Variants in LZTFL1 observed in about 807,000 individuals in gnomAD.
The protein encoded by LZTFL1 is leucine zipper transcription factor-like protein 1.
A neutral mutation model predicts 45.9 loss-of-function variants in LZTFL1; 25 were observed. The ratio of observed to expected loss-of-function variants is 0.54; its 90% CI spans 0.40 to 0.76. The LOEUF is 0.76. Ranked by LOEUF, LZTFL1 falls within the 30% of genes least tolerant of loss-of-function variation. The pLI, the probability that LZTFL1 is intolerant of heterozygous loss-of-function variation, is 0.00. For missense variants in LZTFL1, 277 were observed against 331.1 expected, an observed-to-expected ratio of 0.84 and a Z score of 1.27; for synonymous variants, 93 against 117.4, an observed-to-expected ratio of 0.79 and a Z score of 1.35.
chr3:45,868,407 G>A (rs1399646148), intron 2 of LZTFL1, among the ~76,000 whole-genome samples: 4 of 152,096 alleles, frequency 2.6e-5, no homozygotes, highest in African/African-American at 9.7e-5. Context: ...CAGTTTTAGA[G>A]TGGATTTTTA....
chr3:45,894,877 C>T, intron 2 of LZTFL1: 1 of 1,560,362 alleles, frequency 6.4e-7, no homozygotes, highest in Middle Eastern at 1.7e-4. Context: ...ACAAGCCAGT[C>T]CACTTTTTGA....
intron 2 of LZTFL1, among the ~76,000 whole-genome samples, chr3:45,890,308 T>TATATATTTATATAAATATATAACATAA (rs1702123455): frequency 1.3e-5 from 1 of 77,364 alleles, no homozygotes; most frequent in African/African-American, 1.4e-4. Context: ...ATATAACATA[T>TATATATTTATATAAATATATAACATAA]ATATATATTT....
rs149181606 is a variant in LZTFL1 at position 45,897,100 on chromosome 3, G to A, written c.-215+16020C>T. On this transcript the variant is annotated intron_variant, in intron 2 of 4. Transcript: ENST00000472635. ...AGCCTGTGGGCTCAGAGGCTTGCCA[G>A]GACACAGACAGGCAGGATGGGCCCC... Among the ~76,000 whole-genome samples, 107 of 152,312 alleles carry A rather than the reference G, an allele frequency of 7.0e-4. No individual in the cohort carries two copies. The East Asian group carries it at 7.2e-3, about 10-fold the overall frequency.
chr3:45,855,801 T>C (rs1353715827), intron 3 of LZTFL1, among the ~76,000 whole-genome samples: 7 of 152,060 alleles, frequency 4.6e-5, no homozygotes, highest in Non-Finnish European at 1.0e-4. Flanking sequence ...CCATTCGCAA[T>C]TGCTACAAAG....
intron 2 of LZTFL1, among the ~76,000 whole-genome samples, chr3:45,836,557 A>T (rs1458066329): frequency 2.0e-5 from 3 of 152,186 alleles, no homozygotes; most frequent in African/African-American, 7.2e-5. Flanking sequence ...TAGGAGGCTG[A>T]GGCAGGAGAA....
chr3:45,861,532 T>A (rs1701491561), intron 2 of LZTFL1, among the ~76,000 whole-genome samples: 1 of 152,160 alleles, frequency 6.6e-6, no homozygotes, highest in Non-Finnish European at 1.5e-5. Context: ...TTAAAAGAAG[T>A]CCTATGAGTA....
At chr3:45,896,097 GTAAT>G (rs2125752644) in intron 2 of LZTFL1, among the ~76,000 whole-genome samples, 1 of 152,318 alleles carries the variant, frequency 6.6e-6, no homozygotes, top group South Asian at 2.1e-4. Flanking sequence ...CAACAAAAAA[GTAAT>G]TAATTTGGTC....
intron 1 of LZTFL1, among the ~76,000 whole-genome samples, chr3:45,914,401 G>A (rs1346941208): frequency 2.0e-5 from 3 of 151,686 alleles, no homozygotes; most frequent in African/African-American, 7.3e-5. Flanking sequence ...TGCCACCTCA[G>A]CCTCCCCAGT....
intron 2 of LZTFL1, among the ~76,000 whole-genome samples, chr3:45,862,327 G>C (rs1701504084): frequency 6.6e-6 from 1 of 152,218 alleles, no homozygotes; most frequent in African/African-American, 2.4e-5. Context: ...CACTGGAGGG[G>C]AACAAACCTT....
chr3:45,850,430 C>T (rs1363494292), intron 4 of LZTFL1, among the ~76,000 whole-genome samples: 1 of 152,196 alleles, frequency 6.6e-6, no homozygotes, highest in African/African-American at 2.4e-5. Flanking sequence ...CTCACACCTC[C>T]TCCCCGCAGC....
chr3:45,825,089 A>C lies in LZTFL1; in HGVS notation c.*1225T>G, dbSNP rs1452964888. ...CAAGGCTATTACTAAAAGCTTGAAT[A>C]AAAATAACAACAAGCCCTATGCTCC... On this transcript the variant is annotated 3_prime_UTR_variant, in exon 10 of 10. Transcript: ENST00000296135. The C allele has an allele frequency of 2.6e-6, 1 of 390,476 alleles. No individual in the cohort carries two copies. Among genetic ancestry groups the C allele is most frequent in the African/African-American group, 2.1e-5 (1 of 48,464 alleles). 24.2% of individuals were successfully genotyped at this position (390,476 alleles called of 1,614,324 possible).
At position 45,901,731 on chromosome 3, in the gene LZTFL1, G is replaced by C. The variant is rs1362917410; in HGVS notation, c.-215+11389C>G. On this transcript the variant is annotated intron_variant, in intron 2 of 4. Transcript: ENST00000472635. The surrounding 1 kb of genome is among the most constrained non-coding windows in gnomAD (Gnocchi z 4.3). Reference sequence around the variant, plus strand: ...CTTCTTCCACAGTTGCCTGAACCCTGTTCTCTATGTTTTTGTGGGTGAGAG... The same window carrying C: ...CTTCTTCCACAGTTGCCTGAACCCTCTTCTCTATGTTTTTGTGGGTGAGAG... 6.2e-7 allele frequency: 1 copy of C among 1,614,160 alleles called. No individual in the cohort carries two copies. Among genetic ancestry groups the C allele is most frequent in the East Asian group, 2.2e-5 (1 of 44,878 alleles).
chr3:45,836,925 AAC>A (rs1343088974), intron 2 of LZTFL1, among the ~76,000 whole-genome samples: 1 of 152,164 alleles, frequency 6.6e-6, no homozygotes, highest in Admixed American at 6.5e-5. Flanking sequence ...GTATCACAGT[AAC>A]ACAGTCCTCT....
At chr3:45,849,693 C>T (rs1701279458) in intron 4 of LZTFL1, among the ~76,000 whole-genome samples, 2 of 152,158 alleles carry the variant, frequency 1.3e-5, no homozygotes, top group Non-Finnish European at 2.9e-5. Flanking sequence ...GTAAGAATGT[C>T]TTCATTAAAT....
At chr3:45,867,031 C>T (rs1180502975) in intron 2 of LZTFL1, among the ~76,000 whole-genome samples, 2 of 151,524 alleles carry the variant, frequency 1.3e-5, no homozygotes, top group African/African-American at 4.9e-5. Flanking sequence ...GCCTGTAATC[C>T]CAGCTACTTA....
intron 2 of LZTFL1, among the ~76,000 whole-genome samples, chr3:45,904,822 G>A (rs1434076732): frequency 3.3e-5 from 5 of 152,098 alleles, no homozygotes; most frequent in Non-Finnish European, 5.9e-5. Flanking sequence ...TCTTTGAGTG[G>A]GTTTGCTTGG....
At chr3:45,833,250 G>C in intron 4 of LZTFL1, 129 bp from the exon 5 acceptor site, 1 of 655,962 alleles carries the variant, frequency 1.5e-6, no homozygotes, top group Non-Finnish European at 2.7e-6. Flanking sequence ...AGTTCCACAG[G>C]TGTGGAGATT....
intron 2 of LZTFL1, chr3:45,897,770 C>G (rs1490383999): frequency 3.4e-6 from 2 of 593,856 alleles, no homozygotes; most frequent in South Asian, 2.1e-5. Flanking sequence ...TTCTTTCTTC[C>G]TTGTCTGTCT....
At chr3:45,836,309 T>A (rs959817752) in intron 2 of LZTFL1, among the ~76,000 whole-genome samples, 1 of 152,150 alleles carries the variant, frequency 6.6e-6, no homozygotes, top group Non-Finnish European at 1.5e-5. Flanking sequence ...ATCTTAAAGT[T>A]CTACTGAACA....
Sources: allele counts gnomAD v4.1 joint callset (sites outside exome capture counted in the v4.1 genomes callset), GRCh38; gene constraint gnomAD v4.1.1; non-coding constraint Gnocchi (gnomAD v3.1); transcripts MANE v1.5; gene names NCBI Gene and HGNC (gene_info 2026-07-23, HGNC 2026-07-21).